The following ROBO4 variants were observed in gnomAD, a reference collection of about 807,000 sequenced individuals.
The protein encoded by ROBO4 is roundabout guidance receptor 4, also known as roundabout homolog 4.
In ROBO4, 80 loss-of-function variants were observed where a neutral mutation model predicts 103.3. The ratio of observed to expected loss-of-function variants is 0.77; its 90% CI spans 0.65 to 0.93. The LOEUF (loss-of-function observed/expected upper bound fraction) is 0.93, where lower values mean the gene tolerates loss of function less well. Ranked by LOEUF, ROBO4 falls within the 40% of genes least tolerant of loss-of-function variation. ROBO4 has a pLI of 0.00. For missense variants in ROBO4, 1,333 were observed against 1,305.3 expected (o/e 1.02, Z -0.33); for synonymous variants, 504 against 529.7 (o/e 0.95, Z 0.67).
At position 124,891,908 on chromosome 11, in the gene ROBO4, G is replaced by T. The variant is rs1397435145; in HGVS notation, c.1548-106C>A. 4 of 1,292,916 alleles carry T rather than the reference G, an allele frequency of 3.1e-6. No homozygotes were observed. The Admixed American group carries it at 7.8e-5, about 25-fold the overall frequency. 80.1% of individuals were successfully genotyped at this position (1,292,916 alleles called of 1,614,324 possible). ...AGGCAGCAGAAGAGGGCAAGGAGATGGTGGCTTTATCCTTACTACTGCTTT... is the reference window on the plus strand; with the variant it reads ...AGGCAGCAGAAGAGGGCAAGGAGATTGTGGCTTTATCCTTACTACTGCTTT... On this transcript the variant is annotated intron_variant, in intron 10 of 17. Transcript: ENST00000306534.
Position 124,885,252 on chromosome 11 carries a change from C to A in ROBO4, c.2795-5G>T. 6.2e-7 allele frequency: 1 copy of A among 1,608,054 alleles called. No homozygotes were observed. Among genetic ancestry groups the A allele is most frequent in the South Asian group, 1.1e-5 (1 of 91,022 alleles). On this transcript the variant is annotated splice_region_variant and splice_polypyrimidine_tract_variant and intron_variant, in intron 16 of 17. Coordinates refer to ENST00000306534, the MANE Select transcript of ROBO4 (RefSeq NM_019055.6). Reference sequence around the variant, plus strand: ...GGGAGGGAGGTGATGAGGCATCTGTCAGGGAGGGTAGAGGTGTCTGTGGGA... The same window carrying A: ...GGGAGGGAGGTGATGAGGCATCTGTAAGGGAGGGTAGAGGTGTCTGTGGGA...
chr11:124,897,626 C>T (rs1946920527), intron 1 of ROBO4, 100 bp downstream of exon 1: 5 of 971,602 alleles, frequency 5.1e-6, no homozygotes, highest in East Asian at 2.4e-5. Context: ...CATCTCTGGT[C>T]CCCCCACTGC....
Position 124,895,076 on chromosome 11 carries a change from G to C in ROBO4, c.1149+5C>G, listed in dbSNP as rs1468414678. ...AGGAAGGGCTATGACAGCTAGTGGG[G>C]GTACCTGGTAGCCACGGATGATGCC... On this transcript the variant is annotated splice_donor_5th_base_variant and intron_variant, in intron 7 of 17. Coordinates refer to ENST00000306534, the MANE Select transcript of ROBO4 (RefSeq NM_019055.6). 1.2e-6 allele frequency: 2 copies of C among 1,604,168 alleles called. No individual in the cohort carries two copies.
At chr11:124,890,066 C>T (rs1305005802) in intron 12 of ROBO4, among the ~76,000 whole-genome samples, 2 of 152,332 alleles carry the variant, frequency 1.3e-5, no homozygotes, top group East Asian at 1.9e-4. Flanking sequence ...AGTAGCATTA[C>T]TGTTCTAAGA....
chr11:124,887,044 C>A lies in ROBO4; in HGVS notation c.2368G>T (p.Asp790Tyr), dbSNP rs748033288. Reference sequence around the variant, plus strand: ...ACCTCCTCAGGGGTCAGCACGCTGTCTTGATCCTCCCCCAGGGATGACAGT... The same window carrying A: ...ACCTCCTCAGGGGTCAGCACGCTGTATTGATCCTCCCCCAGGGATGACAGT... ...SSLSSLGEDQ[D>Y]SVLTPEEVAL... Residue 790 changes from aspartate to tyrosine, a missense_variant, in exon 15 of 18, where the codon GAC becomes TAC. Physicochemically the swap from Asp to Tyr is radical, Grantham distance 160. Transcript: ENST00000306534. 1.9e-6 allele frequency: 3 copies of A among 1,613,986 alleles called. No individual in the cohort carries two copies. Among genetic ancestry groups the A allele is most frequent in the Non-Finnish European group, 2.5e-6 (3 of 1,179,924 alleles).
At position 124,885,029 on chromosome 11, in the gene ROBO4, A is replaced by C. The variant is rs763518195; in HGVS notation, c.3001+12T>G. ...CAAGATGAACACATTAGCCAGGAAG[A>C]CAGACACTCACCACCAGCCTTGGGC... On this transcript the variant is annotated intron_variant, in intron 17 of 17. Transcript: ENST00000306534. The C allele has an allele frequency of 6.2e-7, 1 of 1,613,876 alleles. No individual in the cohort carries two copies. The highest frequency in any genetic ancestry group is 1.3e-5 in the African/African-American group (1 of 74,906).
In ROBO4 at chr11:124,896,260, A is replaced by G; in HGVS notation, c.617T>C (p.Met206Thr). The G allele has an allele frequency of 1.2e-6, 2 of 1,614,020 alleles. No homozygotes were observed. Among genetic ancestry groups the G allele is most frequent in the Non-Finnish European group, 1.7e-6 (2 of 1,179,988 alleles). The change falls in exon 4 of 18, where the codon ATG becomes ACG. Residue 206 changes from methionine to threonine, a missense_variant. By Grantham distance (81) the Met-to-Thr change is moderately conservative (BLOSUM62 -1). Coordinates refer to ENST00000306534, the MANE Select transcript of ROBO4 (RefSeq NM_019055.6). ...RAEKSDEGTY[M>T]CVATNSAGHR... ...TCCTGCGCTGTTGGTGGCCACACAC[A>G]TGTAGGTCCCTTCGTCACTCTTCTC...
At chr11:124,891,085 A>G (rs1349265762) in intron 12 of ROBO4, among the ~76,000 whole-genome samples, 1 of 152,192 alleles carries the variant, frequency 6.6e-6, no homozygotes, top group East Asian at 1.9e-4. Flanking sequence ...AAACTGAAAC[A>G]AGAGCACAGT....
At chr11:124,891,009 T>C (rs541505120) in intron 12 of ROBO4, among the ~76,000 whole-genome samples, 2 of 152,358 alleles carry the variant, frequency 1.3e-5, no homozygotes, top group East Asian at 1.9e-4. Flanking sequence ...TGGCATGCAG[T>C]GGTGCTTATT....
intron 12 of ROBO4, 101 bp from the exon 13 acceptor site, chr11:124,887,941 C>A: frequency 1.1e-6 from 1 of 924,890 alleles, no homozygotes; most frequent in Admixed American, 2.8e-5. Context: ...CTGCACGACC[C>A]TGAACCCAGA....
intron 12 of ROBO4, among the ~76,000 whole-genome samples, chr11:124,888,182 A>C (rs1946746332): frequency 1.3e-5 from 2 of 152,198 alleles, no homozygotes; most frequent in Admixed American, 1.3e-4. Flanking sequence ...CTTGGCCTTG[A>C]TAGATGCTTT....
intron 16 of ROBO4, 158 bp downstream of exon 16, chr11:124,886,306 A>T: frequency 1.6e-6 from 1 of 618,522 alleles, no homozygotes; most frequent in Non-Finnish European, 2.8e-6. Context: ...TATTCCACAT[A>T]GACTTTCAAT....
Position 124,895,910 on chromosome 11 carries a change from G to T in ROBO4, c.682C>A (p.Pro228Thr), listed in dbSNP as rs1219575101. ...TCCACAGGCTCCGTGTAGTCCTGGGGCTCTGTGGGGAGGATAGGGCTGGGC... is the reference window on the plus strand; with the variant it reads ...TCCACAGGCTCCGTGTAGTCCTGGGTCTCTGTGGGGAGGATAGGGCTGGGC... The part of the protein sequence containing the change: ...SRAARVSIQE[P>T]QDYTEPVELL... The change falls in exon 5 of 18, where the codon CCC (proline) becomes ACC (threonine). Residue 228 changes from proline to threonine, a missense_variant and splice_region_variant. By Grantham distance (38) the Pro-to-Thr change is conservative. Coordinates refer to ENST00000306534, the MANE Select transcript of ROBO4 (RefSeq NM_019055.6). 1 of 1,613,640 alleles carries T rather than the reference G, an allele frequency of 6.2e-7. No individual in the cohort carries two copies. The highest frequency in any genetic ancestry group is 2.2e-5 in the East Asian group (1 of 44,872).
At position 124,893,921 on chromosome 11, in the gene ROBO4, C is replaced by A; in HGVS notation, c.1443G>T (p.Leu481=). The A allele has an allele frequency of 6.2e-7, 1 of 1,612,064 alleles. No homozygotes were observed. Among genetic ancestry groups the A allele is most frequent in the Non-Finnish European group, 8.5e-7 (1 of 1,179,788 alleles). ...IATCGVALWL[L]LLGTAVCIHR... ...GGATACACACGGCGGTGCCCAGAAG[C>A]AGCAGCCAGAGTGCAACACCGCAGG... Residue 481 remains leucine, a synonymous_variant, in exon 9 of 18, where the codon CTG becomes CTT. Coordinates refer to ENST00000306534, the MANE Select transcript of ROBO4 (RefSeq NM_019055.6).
chr11:124,894,838 A>C (rs796363238), intron 7 of ROBO4, among the ~76,000 whole-genome samples: 8 of 152,304 alleles, frequency 5.3e-5, no homozygotes, highest in African/African-American at 1.9e-4. Flanking sequence ...CCTTTGCCCC[A>C]CTTTCCATGT....
At chr11:124,896,771 C>A in intron 2 of ROBO4, 101 bp from the exon 3 acceptor site, 1 of 1,515,072 alleles carries the variant, frequency 6.6e-7, no homozygotes, top group African/African-American at 1.4e-5. Context: ...CCTGGCCTCC[C>A]ATTTAGGGCC....
At chr11:124,891,866 C>G in intron 10 of ROBO4, 64 bp from the exon 11 acceptor site, 1 of 1,579,196 alleles carries the variant, frequency 6.3e-7, no homozygotes, top group South Asian at 1.1e-5. Context: ...CCTTTTTGGC[C>G]AAGACTTCCT....
intron 12 of ROBO4, among the ~76,000 whole-genome samples, chr11:124,889,697 A>C (rs1946771543): frequency 6.6e-6 from 1 of 152,192 alleles, no homozygotes; most frequent in Non-Finnish European, 1.5e-5. Flanking sequence ...AAGAAACCCC[A>C]ACTAAGGCCA....
At chr11:124,892,149 C>A in intron 10 of ROBO4, 1 of 481,034 alleles carries the variant, frequency 2.1e-6, no homozygotes, top group Non-Finnish European at 4.0e-6. Context: ...ACATCTGTTG[C>A]ACTTGGGTAA....
Sources: allele counts gnomAD v4.1 joint callset (sites outside exome capture counted in the v4.1 genomes callset), GRCh38; gene constraint gnomAD v4.1.1; transcripts MANE v1.5; gene names NCBI Gene and HGNC (gene_info 2026-07-23, HGNC 2026-07-21).